ZNF263: variants seen among roughly 807,000 people sequenced by gnomAD.
The protein encoded by ZNF263 is zinc finger protein 263.
ZNF263 carries 49 observed loss-of-function variants against 63.1 expected under a neutral mutation model. The ratio of observed to expected loss-of-function variants is 0.78; its 90% confidence interval spans 0.62 to 0.99. The LOEUF (loss-of-function observed/expected upper bound fraction) is 0.99. Ranked by LOEUF, ZNF263 falls within the 50% of genes least tolerant of loss-of-function variation. The probability of loss-of-function intolerance (pLI) is 0.00; values close to 1 mark genes in which losing one functional copy is unlikely to be tolerated. For synonymous variants in ZNF263, 352 were observed against 324.2 expected (o/e 1.09, Z -0.92); for missense variants, 872 against 854.8 (o/e 1.02, Z -0.25).
rs751117546 is a variant in ZNF263, at chr16:3,299,990, T to A, written c.*46+834T>A. ...TTTGCACATAAAAAGGCAGACAACCTTTCTTTGTTTATTTTCTTCCCTGGT... is the reference window on the plus strand; with the variant it reads ...TTTGCACATAAAAAGGCAGACAACCATTCTTTGTTTATTTTCTTCCCTGGT... On this transcript the variant is annotated intron_variant, in intron 2 of 2. Transcript: ENST00000574674. 18 of 1,613,974 alleles carry A rather than the reference T, an allele frequency of 1.1e-5. No homozygotes were observed. In the Admixed American group the frequency reaches 2.7e-4, roughly 24 times the overall value.
Position 3,289,577 on chromosome 16 carries a change from G to T in ZNF263, c.1071G>T (p.Leu357Phe), listed in dbSNP as rs1160785521. The T allele has an allele frequency of 6.2e-7, 1 of 1,613,856 alleles. No homozygotes were observed. The highest frequency in any genetic ancestry group is 8.5e-7 in the Non-Finnish European group (1 of 1,179,946). ...CAGAGGGTGGAATGGAGCAGGCCTT[G>T]GCAGGAGCCTCAAGTGGCAGAGAAC... ...PPPEGGMEQA[L>F]AGASSGRELG... is the part of the protein sequence containing the mutation. The change falls in exon 6 of 6, where the codon TTG (leucine) becomes TTT (phenylalanine). Residue 357 changes from leucine to phenylalanine, a missense_variant. Leu to Phe is a conservative substitution (Grantham distance 22). Transcript: ENST00000219069.
At chr16:3,285,013 C>T (rs779193122) in intron 1 of ZNF263, 46 bp from the exon 2 acceptor site, 7 of 1,605,494 alleles carry the variant, frequency 4.4e-6, no homozygotes, top group Non-Finnish European at 6.0e-6. Context: ...ATTTCCCTTC[C>T]TCTTGGGCCC....
downstream of ZNF263, among the ~76,000 whole-genome samples, chr16:3,295,545 G>A (rs1307631604): frequency 2.6e-5 from 4 of 152,264 alleles, no homozygotes; most frequent in Non-Finnish European, 4.4e-5. Flanking sequence ...GCGGTCTAGC[G>A]GGAGGCGCGG....
Position 3,283,936 on chromosome 16 carries a change from T to C in ZNF263, c.118T>C (p.Ser40Pro). 1 of 1,613,768 alleles carries C rather than the reference T, an allele frequency of 6.2e-7. No individual in the cohort carries two copies. ...TGACCCAGGACCGAGCCCCGAGGCCTCCCACTTGCGCTTCAGACGGTTCCG... is the reference window on the plus strand; with the variant it reads ...TGACCCAGGACCGAGCCCCGAGGCCCCCCACTTGCGCTTCAGACGGTTCCG... The part of the protein sequence containing the change: ...PPDPGPSPEA[S>P]HLRFRRFRFQ... Residue 40 changes from serine to proline, a missense_variant, in exon 1 of 6, where the codon TCC becomes CCC. Physicochemically the swap from Ser to Pro is moderately conservative, Grantham distance 74. Coordinates refer to ENST00000219069, the MANE Select transcript of ZNF263 (RefSeq NM_005741.5).
chr16:3,286,496 T>C (rs1018360317), intron 4 of ZNF263: 1 of 168,922 alleles, frequency 5.9e-6, no homozygotes, highest in African/African-American at 2.4e-5. Context: ...CTTGCAATTT[T>C]CAGATGCTTA....
Position 3,290,417 on chromosome 16 carries a change from A to C in ZNF263, c.1911A>C (p.Gly637=), listed in dbSNP as rs376028762. 2.5e-6 allele frequency: 4 copies of C among 1,614,040 alleles called. No individual in the cohort carries two copies. The African/African-American group carries it at 5.3e-5, about 22-fold the overall frequency. The change falls in exon 6 of 6, where the codon GGA becomes GGC. Residue 637 remains glycine, a synonymous_variant. Coordinates refer to ENST00000219069, the MANE Select transcript of ZNF263 (RefSeq NM_005741.5). ...AACCCTATACCTGTCATGAGTGCGGAGACAGCTTCTCTCACAGCTCCAATC... is the reference window on the plus strand; with the variant it reads ...AACCCTATACCTGTCATGAGTGCGGCGACAGCTTCTCTCACAGCTCCAATC... ...GEKPYTCHEC[G]DSFSHSSNRI... is the part of the protein sequence containing the mutation.
At position 3,290,395 on chromosome 16, in the gene ZNF263, C is replaced by T. The variant is rs759549837; in HGVS notation, c.1889C>T (p.Pro630Leu). Reference protein sequence around the residue: ...RHQRIHTGEKPYTCHECGDSF... With the variant: ...RHQRIHTGEKLYTCHECGDSF... The stretch of plus-strand genomic sequence containing the variant: ...CAGAGAATCCACACAGGAGAAAAAC[C>T]CTATACCTGTCATGAGTGCGGAGAC... The change falls in exon 6 of 6, where the codon CCC (proline) becomes CTC (leucine). Residue 630 changes from proline to leucine, a missense_variant. Physicochemically the swap from Pro to Leu is moderately conservative, Grantham distance 98. Coordinates refer to ENST00000219069, the MANE Select transcript of ZNF263 (RefSeq NM_005741.5). 2.5e-6 allele frequency: 4 copies of T among 1,614,000 alleles called. No homozygotes were observed. The highest frequency in any genetic ancestry group is 3.3e-5 in the Admixed American group (2 of 59,988).
At chr16:3,296,974 A>G (rs899640794) in intron 1 of ZNF263, among the ~76,000 whole-genome samples, 8 of 152,192 alleles carry the variant, frequency 5.3e-5, no homozygotes, top group South Asian at 2.1e-4. Flanking sequence ...AATAGCTTGT[A>G]TATTTTCAAA....
chr16:3,287,734 C>T (rs1460402591), intron 4 of ZNF263, among the ~76,000 whole-genome samples: 4 of 151,730 alleles, frequency 2.6e-5, no homozygotes, highest in Non-Finnish European at 5.9e-5. Flanking sequence ...CTCTTAGAGC[C>T]CTGGGTCCTT....
chr16:3,294,353 A>G (rs1281084178), downstream of ZNF263, among the ~76,000 whole-genome samples: 1 of 152,244 alleles, frequency 6.6e-6, no homozygotes, highest in Admixed American at 6.5e-5. Flanking sequence ...TGAAACAACT[A>G]AGTCACGTAA....
At position 3,286,018 on chromosome 16, in the gene ZNF263, T is replaced by G. The variant is rs1395398293; in HGVS notation, c.643-5T>G. The G allele has an allele frequency of 6.2e-7, 1 of 1,613,882 alleles. No individual in the cohort carries two copies. Among genetic ancestry groups the G allele is most frequent in the Non-Finnish European group, 8.5e-7 (1 of 1,179,952 alleles). ...GGGGCTAAAGGAGATCTTGTGCTGT[T>G]TCAGTTGCCTGAGAGCTTAGAGGAC... On this transcript the variant is annotated splice_polypyrimidine_tract_variant and splice_region_variant and intron_variant, in intron 3 of 5. Coordinates refer to ENST00000219069, the MANE Select transcript of ZNF263 (RefSeq NM_005741.5).
At chr16:3,285,900 C>T (rs1274131703) in intron 3 of ZNF263, 123 bp from the exon 4 acceptor site, 5 of 1,564,606 alleles carry the variant, frequency 3.2e-6, no homozygotes, top group African/African-American at 1.4e-5. Flanking sequence ...ACTTGGAGGC[C>T]TGATACCCTT....
chr16:3,284,214 G>A lies in ZNF263; in HGVS notation c.387+9G>A, dbSNP rs1449843690. 3.3e-6 allele frequency: 5 copies of A among 1,516,718 alleles called. No homozygotes were observed. Among genetic ancestry groups the A allele is most frequent in the Middle Eastern group, 1.8e-4 (1 of 5,608 alleles). The allele number at this position is 1,516,718 out of a possible 1,614,324, so 94.0% of individuals were successfully genotyped here. On this transcript the variant is annotated intron_variant, in intron 1 of 5. Transcript: ENST00000219069. ...GGAGACTGAGACAACAGGTGAGAGA[G>A]AGAGAGAGCTGTTTTATCTGTGGTT... is the stretch of plus-strand genomic sequence containing the variant.
At chr16:3,300,345 C>T (rs749631432) in intron 2 of ZNF263, 9 of 1,614,142 alleles carry the variant, frequency 5.6e-6, no homozygotes, top group Non-Finnish European at 7.6e-6. Flanking sequence ...CTGAGCGTTT[C>T]TGTTGGTACC....
chr16:3,291,195 TAAG>T lies in ZNF263; in HGVS notation c.*638_*640del. On this transcript the variant is annotated 3_prime_UTR_variant, in exon 6 of 6. Coordinates refer to ENST00000219069, the MANE Select transcript of ZNF263 (RefSeq NM_005741.5). Reference sequence around the variant, plus strand: ...GGAACCAGAGGCCCAAGGGCAATAATAAGGTGGAATTTGCAGGTCAGCCCAGGA... The same window carrying T: ...GGAACCAGAGGCCCAAGGGCAATAATGTGGAATTTGCAGGTCAGCCCAGGA... 2.0e-6 allele frequency: 2 copies of T among 985,576 alleles called. No individual in the cohort carries two copies. The highest frequency in any genetic ancestry group is 2.4e-6 in the Non-Finnish European group (2 of 830,098). 61.1% of individuals were successfully genotyped at this position (985,576 alleles called of 1,614,324 possible).
intron 2 of ZNF263, chr16:3,300,071 G>A: frequency 1.2e-6 from 2 of 1,614,138 alleles, no homozygotes; most frequent in Non-Finnish European, 1.7e-6. Context: ...TTCCAAAAGA[G>A]GTCTGTTTCA....
chr16:3,285,182 C>T lies in ZNF263; in HGVS notation c.511C>T (p.Leu171=). 2 of 1,613,982 alleles carry T rather than the reference C, an allele frequency of 1.2e-6. No homozygotes were observed. Among genetic ancestry groups the T allele is most frequent in the Non-Finnish European group, 1.7e-6 (2 of 1,180,038 alleles). The change falls in exon 2 of 6, where the codon CTG becomes TTG. Residue 171 remains leucine (L), a synonymous_variant. Coordinates refer to ENST00000219069, the MANE Select transcript of ZNF263 (RefSeq NM_005741.5). ...METERSPGPR[L]QELLGPSPQR... is the part of the protein sequence containing the mutation. The stretch of plus-strand genomic sequence containing the variant: ...GACTGAGCGAAGCCCTGGCCCCAGG[C>T]TGCAGGAGCTGCTAGGCCCCAGCCC...
intron 5 of ZNF263, 80 bp from the exon 6 acceptor site, chr16:3,289,313 C>A: frequency 6.9e-7 from 1 of 1,443,692 alleles, no homozygotes; most frequent in Non-Finnish European, 9.2e-7. Flanking sequence ...GCTGACCTAA[C>A]AGGCAGCGGC....
intron 3 of ZNF263, 73 bp downstream of exon 3, chr16:3,285,827 T>C: frequency 1.3e-6 from 2 of 1,574,430 alleles, no homozygotes; most frequent in East Asian, 2.2e-5. Context: ...GGGTTCTCCA[T>C]GTGGAAGGTC....
Sources: allele counts gnomAD v4.1 joint callset (sites outside exome capture counted in the v4.1 genomes callset), GRCh38; gene constraint gnomAD v4.1.1; transcripts MANE v1.5; gene names NCBI Gene and HGNC (gene_info 2026-07-23, HGNC 2026-07-21).